The following ELMO1 variants were observed in gnomAD, a reference collection of about 807,000 sequenced individuals.
ELMO1 encodes the protein engulfment and cell motility protein 1.
ELMO1 carries 26 observed loss-of-function variants against 98.9 expected under a neutral mutation model. The observed-to-expected ratio is 0.26, with a 90% CI of 0.19 to 0.36. ELMO1 has a LOEUF of 0.36. ELMO1 is among the 10% of genes least tolerant of loss of function. ELMO1 has a pLI of 1.00. For missense variants in ELMO1, 627 were observed against 935.2 expected (o/e 0.67, Z 4.30); for synonymous variants, 346 against 346.0 (o/e 1.00, Z 0.00).
intron 6 of ELMO1, among the ~76,000 whole-genome samples, chr7:37,247,250 T>C (rs1189140312): frequency 6.6e-6 from 1 of 152,174 alleles, no homozygotes; most frequent in Non-Finnish European, 1.5e-5. Context: ...GAAATAGGAA[T>C]GTTACCTACG....
intron 15 of ELMO1, among the ~76,000 whole-genome samples, chr7:37,089,141 CT>C (rs1783933903): frequency 1.3e-5 from 2 of 152,210 alleles, no homozygotes; most frequent in African/African-American, 4.8e-5. Context: ...AGTTAAGTGT[CT>C]ATTCTAATTG....
intron 1 of ELMO1, among the ~76,000 whole-genome samples, chr7:37,366,398 G>GTC (rs1294817861): frequency 6.6e-6 from 1 of 152,054 alleles, no homozygotes; most frequent in African/African-American, 2.4e-5. Flanking sequence ...CACACGTAGG[G>GTC]TCTCTGTGAG....
intron 16 of ELMO1, among the ~76,000 whole-genome samples, chr7:36,932,068 A>AACTT (rs1306670426): frequency 6.8e-6 from 1 of 147,826 alleles, no homozygotes; most frequent in African/African-American, 2.5e-5. Flanking sequence ...TTGGAGAGTT[A>AACTT]ACTTCATTCA....
intron 13 of ELMO1, among the ~76,000 whole-genome samples, chr7:37,168,805 G>C (rs538833559): frequency 2.8e-4 from 43 of 152,360 alleles, no homozygotes; most frequent in African/African-American, 1.0e-3. Flanking sequence ...ACCCACTTGA[G>C]GAGGCAGTCT....
chr7:37,139,879 A>G (rs868406773), intron 13 of ELMO1, among the ~76,000 whole-genome samples: 2 of 152,210 alleles, frequency 1.3e-5, no homozygotes, highest in East Asian at 3.8e-4. Context: ...ACATAGACCA[A>G]TAGAATAGAA....
chr7:37,203,279 C>G (rs1390993598), intron 13 of ELMO1, among the ~76,000 whole-genome samples: 1 of 152,168 alleles, frequency 6.6e-6, no homozygotes, highest in Non-Finnish European at 1.5e-5. Context: ...AGCATTCTCC[C>G]GTTAGTATTG....
At position 37,258,140 on chromosome 7, in the gene ELMO1, C is replaced by T. The variant is rs922529539; in HGVS notation, c.413+1041G>A. Among the ~76,000 whole-genome samples the T allele has an allele frequency of 3.3e-5, 5 of 152,202 alleles. No individual in the cohort carries two copies. In the East Asian group the frequency reaches 7.7e-4, roughly 23 times the overall value. On this transcript the variant is annotated intron_variant, in intron 6 of 21. Transcript: ENST00000310758. ...AAAATTAGCTAGGTGTGGTGGCATACGCTTGTAGTCCTAGCTACTCGGGAG... is the reference window on the plus strand; with the variant it reads ...AAAATTAGCTAGGTGTGGTGGCATATGCTTGTAGTCCTAGCTACTCGGGAG...
At chr7:36,954,794 C>T (rs1479436704) in intron 16 of ELMO1, among the ~76,000 whole-genome samples, 4 of 152,154 alleles carry the variant, frequency 2.6e-5, no homozygotes, top group African/African-American at 7.2e-5. Context: ...CCACTGTCTT[C>T]GCAACTCATG....
intron 4 of ELMO1, among the ~76,000 whole-genome samples, chr7:37,277,209 A>C (rs990766495): frequency 3.3e-5 from 5 of 152,262 alleles, no homozygotes; most frequent in African/African-American, 1.2e-4. Flanking sequence ...ACAGAAACTG[A>C]CATATAATAA....
intron 5 of ELMO1, among the ~76,000 whole-genome samples, chr7:37,268,999 G>A (rs527969995): frequency 5.9e-5 from 9 of 152,382 alleles, no homozygotes; most frequent in African/African-American, 1.7e-4. Context: ...TGGCTTCAGG[G>A]AGAGTTCAGC....
chr7:36,948,863 T>C (rs1248796983), intron 16 of ELMO1, among the ~76,000 whole-genome samples: 1 of 152,136 alleles, frequency 6.6e-6, no homozygotes, highest in Non-Finnish European at 1.5e-5. Flanking sequence ...TCTTTTTGTT[T>C]GTTTGTTTTT....
chr7:37,201,924 T>C (rs1351283027), intron 13 of ELMO1, among the ~76,000 whole-genome samples: 1 of 152,200 alleles, frequency 6.6e-6, no homozygotes, highest in African/African-American at 2.4e-5. Context: ...CAGTGTAAGA[T>C]CTGGTCCCTG....
chr7:37,044,426 A>G (rs1795692521), intron 15 of ELMO1, among the ~76,000 whole-genome samples: 1 of 152,232 alleles, frequency 6.6e-6, no homozygotes. Context: ...TATTGTCTTC[A>G]GTTAAAAATG....
intron 16 of ELMO1, among the ~76,000 whole-genome samples, chr7:36,962,500 A>G (rs1229150376): frequency 1.3e-5 from 2 of 152,152 alleles, no homozygotes; most frequent in Non-Finnish European, 2.9e-5. Flanking sequence ...AATACCAGGG[A>G]AAGATGAATG....
chr7:36,885,720 T>C (rs1215298302), intron 18 of ELMO1, among the ~76,000 whole-genome samples: 1 of 152,186 alleles, frequency 6.6e-6, no homozygotes, highest in Non-Finnish European at 1.5e-5. Context: ...CCTCCCACTT[T>C]ACAGATGAGA....
In ELMO1 at chr7:36,855,610, C is replaced by A. The variant is rs918674508; in HGVS notation, c.2125G>T (p.Ala709Ser). The A allele has an allele frequency of 6.2e-7, 1 of 1,614,082 alleles. No homozygotes were observed. Among genetic ancestry groups the A allele is most frequent in the South Asian group, 1.1e-5 (1 of 91,086 alleles). ...LDLENIQIPD[A>S]PPPIPKEPSN... ...GGCTCCTTGGGAATCGGCGGAGGTG[C>A]GTCAGGGATCTGGATGTTTTCCAGG... Residue 709 changes from alanine (A) to serine (S), a missense_variant, in exon 22 of 22, where the codon GCA becomes TCA. Physicochemically the swap from Ala to Ser is moderately conservative, Grantham distance 99. This residue lies in a region of ELMO1 where 492 missense variants were observed against 715.6 expected (regional missense o/e 0.69). Transcript: ENST00000310758. This position sits in a 1 kb window ranked among gnomAD's most constrained non-coding sequence, Gnocchi z 4.2.
At position 36,955,135 on chromosome 7, in the gene ELMO1, C is replaced by T. The variant is rs574560773; in HGVS notation, c.1437+58164G>A. Among the ~76,000 whole-genome samples the T allele has an allele frequency of 2.6e-5, 4 of 152,346 alleles. No individual in the cohort carries two copies. In the East Asian group the frequency reaches 7.7e-4, roughly 29 times the overall value. ...CAGAATAGCTCATCACCTCCCTCTA[C>T]ATGGCGGAAGGCATCAGACTCCAGG... On this transcript the variant is annotated intron_variant, in intron 16 of 21. Coordinates refer to ENST00000310758, the MANE Select transcript of ELMO1 (RefSeq NM_014800.11).
chr7:37,098,551 TGAA>T (rs1784479774), intron 14 of ELMO1, among the ~76,000 whole-genome samples: 1 of 152,082 alleles, frequency 6.6e-6, no homozygotes, highest in Non-Finnish European at 1.5e-5. Flanking sequence ...CAGATAGAGA[TGAA>T]GGTCAGAGCC....
chr7:37,156,822 C>T (rs986527880), intron 13 of ELMO1, among the ~76,000 whole-genome samples: 1 of 152,166 alleles, frequency 6.6e-6, no homozygotes, highest in Non-Finnish European at 1.5e-5. Flanking sequence ...TTTTATGAGG[C>T]CAGCATCATC....
Sources: allele counts gnomAD v4.1 joint callset (sites outside exome capture counted in the v4.1 genomes callset), GRCh38; gene constraint gnomAD v4.1.1; regional missense constraint gnomAD v4.1.1; non-coding constraint Gnocchi (gnomAD v3.1); transcripts MANE v1.5; gene names NCBI Gene and HGNC (gene_info 2026-07-23, HGNC 2026-07-21).